VCPIP1: variants seen among roughly 807,000 people sequenced by gnomAD.
The protein encoded by VCPIP1 is deubiquitinating protein VCPIP1.
Under a neutral mutation model 85.0 loss-of-function variants are expected in VCPIP1, and 8 were observed. The observed-to-expected ratio is 0.09, with a 90% confidence interval of 0.06 to 0.17. The LOEUF is 0.17. VCPIP1 is among the 10% of genes least tolerant of loss of function. VCPIP1 has a pLI of 1.00. For missense variants in VCPIP1, 1,070 were observed against 1,486.3 expected, an observed-to-expected ratio of 0.72 and a Z score of 4.61; for synonymous variants, 543 against 544.5, an observed-to-expected ratio of 1.00 and a Z score of 0.04.
intron 2 of VCPIP1, among the ~76,000 whole-genome samples, chr8:66,636,236 CAAAA>C (rs1180259925): frequency 7.2e-5 from 3 of 41,520 alleles, no homozygotes; most frequent in Admixed American, 2.8e-4. Context: ...GACTCCATCT[CAAAA>C]AAAAAAAAAA....
intron 1 of VCPIP1, among the ~76,000 whole-genome samples, chr8:66,661,446 A>G (rs1375583371): frequency 6.6e-6 from 1 of 152,134 alleles, no homozygotes; most frequent in African/African-American, 2.4e-5. Flanking sequence ...ATTATGAAAT[A>G]TATTATCAAC....
rs771709352 is a variant in VCPIP1 at position 66,634,940 on chromosome 8, C to G, written c.3230G>C (p.Ser1077Thr). ...TEPSVFTASS[S>T]NSELIRIAPG... is the part of the protein sequence containing the mutation. ...AGCTATTCGAATAAGCTCACTATTA[C>G]TAGAAGAAGCTGTGAATACAGAAGG... Residue 1077 changes from serine to threonine, a missense_variant, in exon 3 of 3, where the codon AGT becomes ACT. By Grantham distance (58) the Ser-to-Thr change is moderately conservative (BLOSUM62 1). Transcript: ENST00000310421. The G allele has an allele frequency of 1.9e-6, 3 of 1,613,528 alleles. No homozygotes were observed. Among genetic ancestry groups the G allele is most frequent in the Middle Eastern group, 1.7e-4 (1 of 6,056 alleles).
At chr8:66,663,744 G>A (rs1183224794) in intron 1 of VCPIP1, among the ~76,000 whole-genome samples, 1 of 152,126 alleles carries the variant, frequency 6.6e-6, no homozygotes, top group East Asian at 1.9e-4. Flanking sequence ...TAGTGTATGA[G>A]AAAGAAAAAT....
chr8:66,637,175 C>A (rs1810895668), intron 2 of VCPIP1, among the ~76,000 whole-genome samples: 1 of 151,304 alleles, frequency 6.6e-6, no homozygotes, highest in South Asian at 2.1e-4. Context: ...ATGGTAAGAC[C>A]CTGGTCTCTA....
intron 1 of VCPIP1, among the ~76,000 whole-genome samples, chr8:66,652,239 A>G (rs2130168894): frequency 6.6e-6 from 1 of 152,316 alleles, no homozygotes; most frequent in South Asian, 2.1e-4. Context: ...ATGATGAACA[A>G]AATATATCTG....
chr8:66,646,793 C>T (rs1410104270), intron 2 of VCPIP1, among the ~76,000 whole-genome samples: 1 of 151,578 alleles, frequency 6.6e-6, no homozygotes, highest in Non-Finnish European at 1.5e-5. Context: ...GAGACTCCAT[C>T]TCAAAAAAAT....
chr8:66,661,011 C>T (rs1811151251), intron 1 of VCPIP1, among the ~76,000 whole-genome samples: 1 of 152,088 alleles, frequency 6.6e-6, no homozygotes, highest in African/African-American at 2.4e-5. Context: ...CCACTGCACT[C>T]CAGCCTGGCG....
rs200414399 is a variant in VCPIP1, at chr8:66,634,809, C to A, written c.3361G>T (p.Asp1121Tyr). 8.1e-6 allele frequency: 13 copies of A among 1,614,200 alleles called. No homozygotes were observed. The highest frequency in any genetic ancestry group is 1.1e-5 in the Non-Finnish European group (13 of 1,180,038). ...EMVSSIQASM[D>Y]RHLRDQSTEQ... ...GTACTTTGATCCCGAAGGTGCCTGT[C>A]CATTGAAGCCTGAATAGAAGAAACC... The change falls in exon 3 of 3, where the codon GAC becomes TAC. Residue 1121 changes from aspartate to tyrosine, a missense_variant. Physicochemically the swap from Asp to Tyr is radical, Grantham distance 160. Around this residue, in one of 8 missense-constraint regions of VCPIP1, gnomAD observed 255 missense variants for 289.5 expected, o/e 0.88. Transcript: ENST00000310421.
At chr8:66,662,940 A>C (rs1372146332) in intron 1 of VCPIP1, among the ~76,000 whole-genome samples, 1 of 151,940 alleles carries the variant, frequency 6.6e-6, no homozygotes, top group Non-Finnish European at 1.5e-5. Context: ...CCCCGTCTCT[A>C]CTAAAAATAC....
chr8:66,639,321 C>CTT (rs57563619), intron 2 of VCPIP1, among the ~76,000 whole-genome samples: 5,244 of 67,790 alleles, frequency 0.077, 1,358 homozygotes, highest in Middle Eastern at 0.14. Context: ...TAATTTTATT[C>CTT]TTTTTTTTTT....
At position 66,630,985 on chromosome 8, in the gene VCPIP1, A is replaced by G. The variant is rs910040510; in HGVS notation, c.*3516T>C. 1 of 152,300 alleles carries G rather than the reference A, an allele frequency of 6.6e-6. No individual in the cohort carries two copies. The highest frequency in any genetic ancestry group is 1.5e-5 in the Non-Finnish European group (1 of 67,978). 9.4% of individuals were successfully genotyped at this position (152,300 alleles called of 1,614,324 possible). A position where few individuals can be genotyped will look rare whatever the true frequency, so the allele number is the denominator to read the frequency against. ...GCCTTAAGGTTGTACAATTTTGTTA[A>G]ATTATATGATAACCTTGAATGGTAG... On this transcript the variant is annotated 3_prime_UTR_variant, in exon 3 of 3. Transcript: ENST00000310421.
At position 66,635,091 on chromosome 8, in the gene VCPIP1, C is replaced by G; in HGVS notation, c.3079G>C (p.Gly1027Arg). Residue 1027 changes from glycine (G) to arginine (R), a missense_variant, in exon 3 of 3, where the codon GGA becomes CGA. Coordinates refer to ENST00000310421, the MANE Select transcript of VCPIP1 (RefSeq NM_025054.5). ...EQLHNVTAFQ[G>R]KGHSLGTASG... ...GCAGTTCCTAAAGAATGCCCTTTTC[C>G]CTGAAAGGCAGTTACGTTATGAAGT... The G allele has an allele frequency of 6.2e-7, 1 of 1,614,156 alleles. No individual in the cohort carries two copies. The highest frequency in any genetic ancestry group is 8.5e-7 in the Non-Finnish European group (1 of 1,180,038).
Position 66,634,219 on chromosome 8 carries a change from T to C in VCPIP1, c.*282A>G, listed in dbSNP as rs1810861776. The C allele has an allele frequency of 7.3e-6, 2 of 273,144 alleles. No individual in the cohort carries two copies. Among genetic ancestry groups the C allele is most frequent in the East Asian group, 6.6e-5 (1 of 15,076 alleles). 16.9% of individuals were successfully genotyped at this position (273,144 alleles called of 1,614,324 possible). A position where few individuals can be genotyped will look rare whatever the true frequency, so the allele number is the denominator to read the frequency against. On this transcript the variant is annotated 3_prime_UTR_variant, in exon 3 of 3. Transcript: ENST00000310421. The stretch of plus-strand genomic sequence containing the variant: ...CATGTTGGAAACATTAAGACTTTCA[T>C]GGAATTAAAATTACAAAGAACTTCC...
At chr8:66,656,096 A>G (rs1811097450) in intron 1 of VCPIP1, among the ~76,000 whole-genome samples, 1 of 151,990 alleles carries the variant, frequency 6.6e-6, no homozygotes, top group African/African-American at 2.4e-5. Context: ...TTTAAAATGT[A>G]TTTTTTCTAA....
intron 2 of VCPIP1, among the ~76,000 whole-genome samples, chr8:66,645,625 A>C (rs1338798390): frequency 6.6e-6 from 1 of 152,028 alleles, no homozygotes; most frequent in Non-Finnish European, 1.5e-5. Context: ...CTTAATGAAG[A>C]AATATAACAT....
Position 66,666,914 on chromosome 8 carries a change from A to T in VCPIP1, c.45T>A (p.Pro15=). 1 of 1,590,446 alleles carries T rather than the reference A, an allele frequency of 6.3e-7. No homozygotes were observed. The highest frequency in any genetic ancestry group is 8.5e-7 in the Non-Finnish European group (1 of 1,173,056). ...PPPPPPLPPP[P]PPPEAPQTPS... Reference sequence around the variant, plus strand: ...GAGTCTGTGGAGCCTCAGGGGGAGGAGGTGGCGGCGGCAACGGAGGCGGCG... The same window carrying T: ...GAGTCTGTGGAGCCTCAGGGGGAGGTGGTGGCGGCGGCAACGGAGGCGGCG... The change falls in exon 1 of 3, where the codon CCT becomes CCA. Residue 15 remains proline (P), a synonymous_variant. Transcript: ENST00000310421. The surrounding 1 kb of genome is among the most constrained non-coding windows in gnomAD (Gnocchi z 6.3).
At position 66,665,188 on chromosome 8, in the gene VCPIP1, C is replaced by G; in HGVS notation, c.1771G>C (p.Ala591Pro). ...CCCCATTCTAAAGTAATAGGGAAAG[C>G]TTCTGGTAGATTGTCATACTCCTTA... ...DGKEYDNLPE[A>P]FPITLEWGGR... Residue 591 changes from alanine to proline, a missense_variant, in exon 1 of 3, where the codon GCT becomes CCT. Physicochemically the swap from Ala to Pro is conservative, Grantham distance 27 (BLOSUM62 -1). Around this residue, in one of 8 missense-constraint regions of VCPIP1, gnomAD observed 123 missense variants for 156.3 expected, o/e 0.79. Transcript: ENST00000310421. This position sits in a 1 kb window ranked among gnomAD's most constrained non-coding sequence, Gnocchi z 4.3. 6.2e-7 allele frequency: 1 copy of G among 1,613,058 alleles called. No individual in the cohort carries two copies. Among genetic ancestry groups the G allele is most frequent in the East Asian group, 2.2e-5 (1 of 44,874 alleles).
In VCPIP1 at chr8:66,664,668, T is replaced by C; in HGVS notation, c.2291A>G (p.Lys764Arg). Residue 764 changes from lysine to arginine, a missense_variant, in exon 1 of 3, where the codon AAG becomes AGG. Coordinates refer to ENST00000310421, the MANE Select transcript of VCPIP1 (RefSeq NM_025054.5). Reference sequence around the variant, plus strand: ...AGAAGTTGTCGGTGAATAGGGAGCCTTGGTAGGTGTAGCAGGTGCAGAGGA... The same window carrying C: ...AGAAGTTGTCGGTGAATAGGGAGCCCTGGTAGGTGTAGCAGGTGCAGAGGA... ...GPSSAPATPT[K>R]APYSPTTSKE... 6.2e-7 allele frequency: 1 copy of C among 1,613,536 alleles called. No homozygotes were observed. Among genetic ancestry groups the C allele is most frequent in the Non-Finnish European group, 8.5e-7 (1 of 1,179,722 alleles).
chr8:66,664,361 G>C lies in VCPIP1; in HGVS notation c.2598C>G (p.Ala866=). 1 of 1,613,788 alleles carries C rather than the reference G, an allele frequency of 6.2e-7. No homozygotes were observed. Among genetic ancestry groups the C allele is most frequent in the South Asian group, 1.1e-5 (1 of 91,082 alleles). ...EGGQSAAAHS[A]HTVKQEDIAV... is the part of the protein sequence containing the mutation. ...CAATATCTTCTTGTTTCACAGTGTG[G>C]GCTGAGTGTGCTGCAGCAGACTGAC... The change falls in exon 1 of 3, where the codon GCC becomes GCG. Residue 866 remains alanine, a synonymous_variant. Coordinates refer to ENST00000310421, the MANE Select transcript of VCPIP1 (RefSeq NM_025054.5).
Sources: allele counts gnomAD v4.1 joint callset (sites outside exome capture counted in the v4.1 genomes callset), GRCh38; gene constraint gnomAD v4.1.1; regional missense constraint gnomAD v4.1.1; non-coding constraint Gnocchi (gnomAD v3.1); transcripts MANE v1.5; gene names NCBI Gene and HGNC (gene_info 2026-07-23, HGNC 2026-07-21).